Variants in KMT2C observed in about 807,000 individuals in gnomAD.
KMT2C encodes lysine methyltransferase 2C, also known as histone-lysine N-methyltransferase 2C.
A neutral mutation model predicts 507.9 loss-of-function variants in KMT2C; 88 were observed. The observed-to-expected ratio is 0.17, with a 90% CI of 0.15 to 0.21. The LOEUF is 0.21. Among genes scored for constraint, KMT2C ranks in the 10% least tolerant of loss-of-function variants. KMT2C has a pLI of 1.00. For synonymous variants in KMT2C, 2,049 were observed against 2,080.8 expected, an observed-to-expected ratio of 0.98 and a Z score of 0.42; for missense variants, 4,954 against 5,957.8, an observed-to-expected ratio of 0.83 and a Z score of 5.55.
At chr7:152,381,196 A>C (rs2097370429) in intron 1 of KMT2C, among the ~76,000 whole-genome samples, 1 of 152,198 alleles carries the variant, frequency 6.6e-6, no homozygotes, top group African/African-American at 2.4e-5. Context: ...AGTGCCAGCT[A>C]TGTGCTAGGC....
chr7:152,230,125 A>C, intron 17 of KMT2C, 95 bp downstream of exon 17: 1 of 971,482 alleles, frequency 1.0e-6, no homozygotes, highest in Non-Finnish European at 1.6e-6. Flanking sequence ...ATAGCTCTAT[A>C]GCTAAATATT....
intron 1 of KMT2C, among the ~76,000 whole-genome samples, chr7:152,358,922 T>C (rs1016613571): frequency 3.9e-5 from 6 of 152,190 alleles, no homozygotes; most frequent in African/African-American, 1.4e-4. Context: ...GTCCTCATAA[T>C]TCACTTAAGT....
chr7:152,189,330 T>G (rs2093720643), intron 31 of KMT2C, among the ~76,000 whole-genome samples: 1 of 152,200 alleles, frequency 6.6e-6, no homozygotes, highest in African/African-American at 2.4e-5. Context: ...AACTTGATGA[T>G]TTGTGGAAAT....
chr7:152,374,792 G>C (rs2097315849), intron 1 of KMT2C, among the ~76,000 whole-genome samples: 2 of 151,510 alleles, frequency 1.3e-5, no homozygotes, highest in African/African-American at 4.8e-5. Flanking sequence ...CCAGCTACTT[G>C]GGGTGGCTTG....
Position 152,230,277 on chromosome 7 carries a change from G to T in KMT2C, c.2814C>A (p.Asn938Lys). 1.2e-6 allele frequency: 2 copies of T among 1,603,440 alleles called. No individual in the cohort carries two copies. The highest frequency in any genetic ancestry group is 1.7e-6 in the Non-Finnish European group (2 of 1,174,780). ...DISSNKDDEE[N>K]SMHNTVVLFS... ...ACAACACAACTGTATTGTGCATAGA[G>T]TTTTCTTCATCATCCTTATTTGATG... The change falls in exon 17 of 59, where the codon AAC becomes AAA. Residue 938 changes from asparagine (N) to lysine (K), a missense_variant. This residue lies in a region of KMT2C where 62 missense variants were observed against 137.2 expected (regional missense o/e 0.45). Transcript: ENST00000262189.
chr7:152,296,067 C>CAAAAAAAAA (rs34144566), intron 6 of KMT2C, among the ~76,000 whole-genome samples: 1 of 45,428 alleles, frequency 2.2e-5, no homozygotes, highest in African/African-American at 8.5e-5. Context: ...GACTCCGTCT[C>CAAAAAAAAA]AAAAAAAAAA....
Position 152,135,238 on chromosome 7 carries a change from C to A in KMT2C, c.*1594G>T, listed in dbSNP as rs2089783355. On this transcript the variant is annotated 3_prime_UTR_variant, in exon 59 of 59. Transcript: ENST00000262189. Reference sequence around the variant, plus strand: ...CATATACAAGTTCAGAACTGCATCACTGAATATACCAACAGTTTACAGTCC... The same window carrying A: ...CATATACAAGTTCAGAACTGCATCAATGAATATACCAACAGTTTACAGTCC... 4.5e-6 allele frequency: 1 copy of A among 220,542 alleles called. No homozygotes were observed. The highest frequency in any genetic ancestry group is 2.2e-5 in the African/African-American group (1 of 44,660). The allele number at this position is 220,542 out of a possible 1,614,324, so 13.7% of individuals were successfully genotyped here.
At chr7:152,236,444 G>C (rs2095276615) in intron 15 of KMT2C, among the ~76,000 whole-genome samples, 1 of 152,108 alleles carries the variant, frequency 6.6e-6, no homozygotes. Flanking sequence ...AGTGTGCTGA[G>C]GAATAAAAAG....
In KMT2C at chr7:152,204,591, CTAGATAGATAGATAGATAGA is replaced by C. The variant is rs57456614; in HGVS notation, c.3961+495_3961+514del. 1.7e-3 allele frequency among the ~76,000 whole-genome samples: 242 copies of C among 143,494 alleles called. 3 individuals carry two copies. The highest frequency in any genetic ancestry group is 0.012 in the South Asian group (52 of 4,246). 94.1% of individuals were successfully genotyped at this position (143,494 alleles called of 152,430 possible). A position where few individuals can be genotyped will look rare whatever the true frequency, so the allele number is the denominator to read the frequency against. The stretch of plus-strand genomic sequence containing the variant: ...CAACCTGGGTGACATAGTGAGACCC[CTAGATAGATAGATAGATAGA>C]TAGATAGATAGATAGATAGATAGAT... On this transcript the variant is annotated intron_variant, in intron 25 of 58. Coordinates refer to ENST00000262189, the MANE Select transcript of KMT2C (RefSeq NM_170606.3).
chr7:152,395,690 TAG>T (rs2097534156), intron 1 of KMT2C, among the ~76,000 whole-genome samples: 1 of 152,102 alleles, frequency 6.6e-6, no homozygotes, highest in South Asian at 2.1e-4. Flanking sequence ...GTATTTTTAG[TAG>T]AGACAGGGTT....
At chr7:152,151,139 T>A in intron 50 of KMT2C, 132 bp from the exon 51 acceptor site, 1 of 648,950 alleles carries the variant, frequency 1.5e-6, no homozygotes, top group South Asian at 2.1e-5. Context: ...AAGGAAACTA[T>A]GTTCCAATAT....
intron 6 of KMT2C, among the ~76,000 whole-genome samples, chr7:152,283,197 A>G (rs2096248282): frequency 6.6e-6 from 1 of 152,218 alleles, no homozygotes; most frequent in African/African-American, 2.4e-5. Flanking sequence ...AAAGCTCATA[A>G]TGTATACAAT....
At position 152,263,317 on chromosome 7, in the gene KMT2C, C is replaced by T. The variant is rs567598604; in HGVS notation, c.1185-187G>A. On this transcript the variant is annotated intron_variant, in intron 8 of 58. Coordinates refer to ENST00000262189, the MANE Select transcript of KMT2C (RefSeq NM_170606.3). ...ATTACCTCCTAAATGGTGATCTTTA[C>T]TCAATGCTCACCTATGGTTAACTTG... 1.6e-4 allele frequency among the ~76,000 whole-genome samples: 24 copies of T among 152,278 alleles called. No individual in the cohort carries two copies. The South Asian group carries it at 4.8e-3, about 30-fold the overall frequency.
At position 152,179,822 on chromosome 7, in the gene KMT2C, T is replaced by C. The variant is rs2093370654; in HGVS notation, c.7442+12A>G. On this transcript the variant is annotated intron_variant, in intron 37 of 58. Coordinates refer to ENST00000262189, the MANE Select transcript of KMT2C (RefSeq NM_170606.3). The stretch of plus-strand genomic sequence containing the variant: ...TAGCAATTTAAATTCGGCAGGAAAT[T>C]AAAAGCATTACCTAAATCCATGAGG... 6.2e-7 allele frequency: 1 copy of C among 1,610,548 alleles called. No homozygotes were observed. Among genetic ancestry groups the C allele is most frequent in the East Asian group, 2.2e-5 (1 of 44,846 alleles).
At chr7:152,243,771 G>T (rs2095425494) in intron 14 of KMT2C, among the ~76,000 whole-genome samples, 1 of 152,072 alleles carries the variant, frequency 6.6e-6, no homozygotes, top group African/African-American at 2.4e-5. Context: ...AACAGAGCAA[G>T]ACTCAATCTC....
intron 1 of KMT2C, among the ~76,000 whole-genome samples, chr7:152,426,734 T>C (rs1368958344): frequency 2.0e-5 from 3 of 152,196 alleles, no homozygotes; most frequent in African/African-American, 7.2e-5. Flanking sequence ...TATATATAAA[T>C]TCATAACAAT....
rs573551667 is a variant in KMT2C, at chr7:152,135,074, C to T, written c.*1758G>A. 2.2e-4 allele frequency: 50 copies of T among 228,664 alleles called. No individual in the cohort carries two copies. In the South Asian group the frequency reaches 6.2e-3, roughly 28 times the overall value. 14.2% of individuals were successfully genotyped at this position (228,664 alleles called of 1,614,324 possible). ...TACAGAACAGAAAACAACAAAAACC[C>T]GGTAGGACAAATACTGGTAGGATGT... On this transcript the variant is annotated 3_prime_UTR_variant, in exon 59 of 59. Coordinates refer to ENST00000262189, the MANE Select transcript of KMT2C (RefSeq NM_170606.3).
intron 1 of KMT2C, among the ~76,000 whole-genome samples, chr7:152,429,804 C>A (rs550037376): frequency 6.6e-6 from 1 of 151,710 alleles, no homozygotes; most frequent in South Asian, 2.1e-4. Flanking sequence ...CAGGTGTGAG[C>A]CACCGTGCCC....
intron 18 of KMT2C, among the ~76,000 whole-genome samples, chr7:152,225,468 T>C (rs2094898568): frequency 6.6e-6 from 1 of 152,208 alleles, no homozygotes; most frequent in Non-Finnish European, 1.5e-5. Flanking sequence ...TTTCCAATTC[T>C]ACAGGAAAAT....
Sources: allele counts gnomAD v4.1 joint callset (sites outside exome capture counted in the v4.1 genomes callset), GRCh38; gene constraint gnomAD v4.1.1; regional missense constraint gnomAD v4.1.1; transcripts MANE v1.5; gene names NCBI Gene and HGNC (gene_info 2026-07-23, HGNC 2026-07-21).